The following HCN2 variants were observed in gnomAD, a reference collection of about 807,000 sequenced individuals.
HCN2 encodes the protein potassium/sodium hyperpolarization-activated cyclic nucleotide-gated channel 2.
HCN2 carries 20 observed loss-of-function variants against 52.3 expected under a neutral mutation model. The observed-to-expected ratio is 0.38, with a 90% confidence interval of 0.27 to 0.56. The LOEUF (loss-of-function observed/expected upper bound fraction) is 0.56, where lower values mean the gene tolerates loss of function less well. Among genes scored for constraint, HCN2 ranks in the 20% least tolerant of loss-of-function variants. The probability of loss-of-function intolerance (pLI) is 0.71; values close to 1 mark genes in which losing one functional copy is unlikely to be tolerated. For synonymous variants in HCN2, 694 were observed against 537.0 expected, an observed-to-expected ratio of 1.29 and a Z score of -4.04; for missense variants, 981 against 1,207.7, an observed-to-expected ratio of 0.81 and a Z score of 2.78.
At position 608,217 on chromosome 19, in the gene HCN2, TG is replaced by T. The variant is rs750592818; in HGVS notation, c.1437+40del. ...AGGCGGGCCCCGGCCTGGGTTCTGA[TG>T]GGGGAGGCGGGCCTGGATCTGGGGT... On this transcript the variant is annotated intron_variant, in intron 4 of 7. Transcript: ENST00000251287. 16 of 1,582,904 alleles carry T rather than the reference TG, an allele frequency of 1.0e-5. No homozygotes were observed. In the Admixed American group the frequency reaches 1.5e-4, roughly 15 times the overall value.
chr19:604,414 G>A (rs927507869), intron 2 of HCN2, among the ~76,000 whole-genome samples: 3 of 145,210 alleles, frequency 2.1e-5, no homozygotes, highest in Non-Finnish European at 4.5e-5. Context: ...CTATCAGGTT[G>A]CTGAGCAGGG....
At position 590,143 on chromosome 19, in the gene HCN2, G is replaced by A. The variant is rs1352824387; in HGVS notation, c.198G>A (p.Ala66=). 49 of 963,912 alleles carry A rather than the reference G, an allele frequency of 5.1e-5. No homozygotes were observed. Among genetic ancestry groups the A allele is most frequent in the Non-Finnish European group, 6.0e-5 (49 of 814,942 alleles). The allele number at this position is 963,912 out of a possible 1,614,324, so 59.7% of individuals were successfully genotyped here. ...CCGAGGCGTTGCCCCCGGAGGCGGC[G>A]GATGAGGGCGGCCCGCGGGGCCGGC... ...PRAEALPPEA[A]DEGGPRGRLR... is the part of the protein sequence containing the mutation. Residue 66 remains alanine (A), a synonymous_variant, in exon 1 of 8, where the codon GCG becomes GCA. Transcript: ENST00000251287. The surrounding 1 kb of genome is among the most constrained non-coding windows in gnomAD (Gnocchi z 7.2).
In HCN2 at chr19:592,132, C is replaced by T. The variant is rs1029362166; in HGVS notation, c.632+1555C>T. ...GGGAAGGACTGGACTTCCAGGGCTG[C>T]TGGTCGGCCTGGCCCCACTTCCAGT... On this transcript the variant is annotated intron_variant, in intron 1 of 7. Coordinates refer to ENST00000251287, the MANE Select transcript of HCN2 (RefSeq NM_001194.4). This position sits in a 1 kb window ranked among gnomAD's most constrained non-coding sequence, Gnocchi z 4.8. Among the ~76,000 whole-genome samples the T allele has an allele frequency of 2.0e-5, 3 of 152,358 alleles. No individual in the cohort carries two copies. Among genetic ancestry groups the T allele is most frequent in the East Asian group, 1.9e-4 (1 of 5,184 alleles).
chr19:597,330 C>T (rs1442615252), intron 1 of HCN2, among the ~76,000 whole-genome samples: 2 of 152,240 alleles, frequency 1.3e-5, no homozygotes, highest in African/African-American at 2.4e-5. Flanking sequence ...CCACTTCCAT[C>T]AGAGGGGAGG....
intron 1 of HCN2, among the ~76,000 whole-genome samples, chr19:602,382 CCCT>C (rs1983234710): frequency 1.2e-5 from 1 of 86,592 alleles, no homozygotes; most frequent in Non-Finnish European, 2.3e-5. Flanking sequence ...ACGCCCCACT[CCCT>C]CCTCTCTCCT....
intron 5 of HCN2, among the ~76,000 whole-genome samples, chr19:613,034 GATGTCGC>G (rs1279022868): frequency 6.6e-6 from 1 of 152,226 alleles, no homozygotes; most frequent in Non-Finnish European, 1.5e-5. Flanking sequence ...TGTATTGGCA[GATGTCGC>G]CAATACGGTG....
In HCN2 at chr19:616,778, G is replaced by C. The variant is rs1314127906; in HGVS notation, c.*304G>C. 1 of 218,588 alleles carries C rather than the reference G, an allele frequency of 4.6e-6. No homozygotes were observed. The highest frequency in any genetic ancestry group is 9.0e-6 in the Non-Finnish European group (1 of 111,282). 13.5% of individuals were successfully genotyped at this position (218,588 alleles called of 1,614,324 possible). A position where few individuals can be genotyped will look rare whatever the true frequency, so the allele number is the denominator to read the frequency against. On this transcript the variant is annotated 3_prime_UTR_variant, in exon 8 of 8. Transcript: ENST00000251287. ...CCAGCTGTAAGACAGGGACGGGGCG[G>C]CCCAGTGGCTGAGAGGAGCCGGCTG...
At chr19:614,054 G>T in intron 7 of HCN2, 38 bp downstream of exon 7, 1 of 1,486,664 alleles carries the variant, frequency 6.7e-7, no homozygotes, top group East Asian at 2.4e-5. Flanking sequence ...CGGGTGCCCT[G>T]GCGGGGGAGG....
chr19:615,495 C>T (rs1284406150), intron 7 of HCN2, among the ~76,000 whole-genome samples: 1 of 152,210 alleles, frequency 6.6e-6, no homozygotes, highest in Non-Finnish European at 1.5e-5. Flanking sequence ...GCCCGGGCGA[C>T]AGAGCAAGAC....
chr19:602,086 C>G (rs1416946072), intron 1 of HCN2, among the ~76,000 whole-genome samples: 1 of 135,436 alleles, frequency 7.4e-6, no homozygotes, highest in African/African-American at 2.9e-5. Flanking sequence ...CCTGTGTGGA[C>G]GCCCCACTTC....
chr19:594,909 G>A (rs1325775245), intron 1 of HCN2, among the ~76,000 whole-genome samples: 5 of 152,158 alleles, frequency 3.3e-5, no homozygotes, highest in African/African-American at 9.7e-5. Flanking sequence ...GCTCGAAAAC[G>A]GACATCTTTG....
chr19:613,194 G>T lies in HCN2; in HGVS notation c.1585-54G>T. 6 of 1,552,614 alleles carry T rather than the reference G, an allele frequency of 3.9e-6. No homozygotes were observed. In the South Asian group the frequency reaches 4.7e-5, roughly 12 times the overall value. ...TGAGCCGGTCCCAGAGGCAGGGCGA[G>T]GGGGAAGCGGGAGTGGGGTCCGCAG... On this transcript the variant is annotated intron_variant, in intron 5 of 7. Coordinates refer to ENST00000251287, the MANE Select transcript of HCN2 (RefSeq NM_001194.4).
Position 617,113 on chromosome 19 carries a change from A to AACCCCCCCC in HCN2, c.*639_*640insACCCCCCCC. ...CACCGTGGCCCCCCACGCCCCATTAACCCCCACACCCCCATTCCGCGCAAT... is the reference window on the plus strand; with the variant it reads ...CACCGTGGCCCCCCACGCCCCATTAAACCCCCCCCCCCCCACACCCCCATTCCGCGCAAT... On this transcript the variant is annotated 3_prime_UTR_variant, in exon 8 of 8. Coordinates refer to ENST00000251287, the MANE Select transcript of HCN2 (RefSeq NM_001194.4). 1 of 595,250 alleles carries AACCCCCCCC rather than the reference A, an allele frequency of 1.7e-6. No homozygotes were observed. Among genetic ancestry groups the AACCCCCCCC allele is most frequent in the African/African-American group, 1.9e-5 (1 of 51,942 alleles). 36.9% of individuals were successfully genotyped at this position (595,250 alleles called of 1,614,324 possible).
intron 1 of HCN2, among the ~76,000 whole-genome samples, chr19:594,334 C>T (rs1040912675): frequency 2.0e-5 from 3 of 152,216 alleles, no homozygotes; most frequent in South Asian, 2.1e-4. Flanking sequence ...GAGAGGCTGG[C>T]GGCTTCCTGA....
At chr19:602,189 C>G (rs111848688) in intron 1 of HCN2, among the ~76,000 whole-genome samples, 1 of 58,766 alleles carries the variant, frequency 1.7e-5, no homozygotes, top group Non-Finnish European at 3.8e-5. Context: ...ACGCCCCACT[C>G]CCTCCTCTCT....
intron 1 of HCN2, among the ~76,000 whole-genome samples, chr19:596,320 C>T (rs1016367020): frequency 1.3e-5 from 2 of 152,194 alleles, no homozygotes; most frequent in African/African-American, 4.8e-5. Context: ...GAGCTCACAT[C>T]GGTGTCAGGT....
rs778554351 is a variant in HCN2, at chr19:613,922, G to T, written c.1896G>T (p.Ser632=). 1.2e-6 allele frequency: 2 copies of T among 1,603,402 alleles called. No individual in the cohort carries two copies. The highest frequency in any genetic ancestry group is 2.2e-5 in the South Asian group (2 of 90,460). ...CTGACACCTACTGCCGCCTCTATTC[G>T]CTGAGCGTGGACAACTTCAACGAGG... ...VRADTYCRLY[S]LSVDNFNEVL... Residue 632 remains serine (S), a synonymous_variant, in exon 7 of 8, where the codon TCG becomes TCT. Transcript: ENST00000251287.
At position 616,188 on chromosome 19, in the gene HCN2, ACGGCGGCCTGCC is replaced by A. The variant is rs1983909357; in HGVS notation, c.2387_2398del (p.Gly796_Pro799del). ...CCCCGGGCACCGCGGACCTCGCCCTACGGCGGCCTGCCCGCCGCCCCCCTTGCTGGGCCCGCC... is the reference window on the plus strand; with the variant it reads ...CCCCGGGCACCGCGGACCTCGCCCTACGCCGCCCCCCTTGCTGGGCCCGCC... On this transcript the variant is annotated inframe_deletion, in exon 8 of 8. Coordinates refer to ENST00000251287, the MANE Select transcript of HCN2 (RefSeq NM_001194.4). 2 of 963,802 alleles carry A rather than the reference ACGGCGGCCTGCC, an allele frequency of 2.1e-6. No homozygotes were observed. Among genetic ancestry groups the A allele is most frequent in the South Asian group, 9.2e-5 (2 of 21,854 alleles). The allele number at this position is 963,802 out of a possible 1,614,324, so 59.7% of individuals were successfully genotyped here.
At chr19:615,032 A>G (rs1265129255) in intron 7 of HCN2, among the ~76,000 whole-genome samples, 1 of 152,136 alleles carries the variant, frequency 6.6e-6, no homozygotes, top group Non-Finnish European at 1.5e-5. Flanking sequence ...GTTCCTGAGT[A>G]TCAGGTGCTT....
Sources: allele counts gnomAD v4.1 joint callset (sites outside exome capture counted in the v4.1 genomes callset), GRCh38; gene constraint gnomAD v4.1.1; non-coding constraint Gnocchi (gnomAD v3.1); transcripts MANE v1.5; gene names NCBI Gene and HGNC (gene_info 2026-07-23, HGNC 2026-07-21).